Variants in CXCL12 observed in about 807,000 individuals in gnomAD.
CXCL12 encodes C-X-C motif chemokine ligand 12.
Under a neutral mutation model 10.7 loss-of-function variants are expected in CXCL12, and 4 were observed. The observed-to-expected ratio is 0.37, with a 90% CI of 0.18 to 0.86. The LOEUF (loss-of-function observed/expected upper bound fraction) is 0.86. Ranked by LOEUF, CXCL12 falls within the 40% of genes least tolerant of loss-of-function variation. CXCL12 has a pLI of 0.43. For synonymous variants in CXCL12, 54 were observed against 45.4 expected (o/e 1.19, Z -0.77); for missense variants, 122 against 110.4 (o/e 1.10, Z -0.47).
At position 44,377,841 on chromosome 10, in the gene CXCL12, G is replaced by A. The variant is rs868618139; in HGVS notation, c.*792C>T. Reference sequence around the variant, plus strand: ...CGAGCTGTGGGGCAGGCCCTGGGAGGAGAGGGATGCAGGGCACGAGCCCCA... The same window carrying A: ...CGAGCTGTGGGGCAGGCCCTGGGAGAAGAGGGATGCAGGGCACGAGCCCCA... On this transcript the variant is annotated 3_prime_UTR_variant, in exon 3 of 3. Transcript: ENST00000343575. The A allele has an allele frequency of 1.9e-6, 3 of 1,594,120 alleles. No homozygotes were observed. Among genetic ancestry groups the A allele is most frequent in the Non-Finnish European group, 2.5e-6 (3 of 1,178,072 alleles).
downstream of CXCL12, among the ~76,000 whole-genome samples, chr10:44,374,013 T>C (rs1434415921): frequency 1.3e-5 from 2 of 152,198 alleles, no homozygotes; most frequent in African/African-American, 4.8e-5. Context: ...CAGCACTGGG[T>C]GTACCACCTG....
chr10:44,378,491 C>T lies in CXCL12; in HGVS notation c.*142G>A. Reference sequence around the variant, plus strand: ...ATGCTGGCAAACCTCAGGCCCGATCCCAGATCAATGTGCCCACCCCACACA... The same window carrying T: ...ATGCTGGCAAACCTCAGGCCCGATCTCAGATCAATGTGCCCACCCCACACA... On this transcript the variant is annotated 3_prime_UTR_variant, in exon 3 of 3. Transcript: ENST00000343575. 6.5e-7 allele frequency: 1 copy of T among 1,541,448 alleles called. No individual in the cohort carries two copies. The highest frequency in any genetic ancestry group is 1.2e-5 in the South Asian group (1 of 81,746).
chr10:44,384,028 T>A (rs1441111797), intron 1 of CXCL12, among the ~76,000 whole-genome samples: 1 of 152,204 alleles, frequency 6.6e-6, no homozygotes, highest in African/African-American at 2.4e-5. Flanking sequence ...GAGTTTCTCT[T>A]CAGCGAAAGA....
chr10:44,373,391 C>A, downstream of CXCL12: 2 of 1,537,480 alleles, frequency 1.3e-6, no homozygotes, highest in African/African-American at 1.4e-5. Context: ...GTTCCCCCCA[C>A]ACCCAGCCAG....
intron 1 of CXCL12, among the ~76,000 whole-genome samples, chr10:44,382,516 T>A (rs1839663541): frequency 6.6e-6 from 1 of 151,954 alleles, no homozygotes; most frequent in Admixed American, 6.5e-5. Flanking sequence ...ACAGTGAGCT[T>A]GAAGATATGC....
downstream of CXCL12, among the ~76,000 whole-genome samples, chr10:44,376,505 A>C (rs1839454668): frequency 6.6e-6 from 1 of 152,220 alleles, no homozygotes; most frequent in African/African-American, 2.4e-5. Context: ...TCAGACTGCC[A>C]TTCAGAAGAG....
Position 44,377,722 on chromosome 10 carries a change from G to A in CXCL12, c.*911C>T. On this transcript the variant is annotated 3_prime_UTR_variant, in exon 3 of 3. Transcript: ENST00000343575. The stretch of plus-strand genomic sequence containing the variant: ...ATTGCATTTGATTCTGTAAAGACTT[G>A]TCTTTTGCGGGTAAGCAGGGGGACC... The A allele has an allele frequency of 3.8e-6, 6 of 1,598,198 alleles. No homozygotes were observed. The highest frequency in any genetic ancestry group is 5.1e-6 in the Non-Finnish European group (6 of 1,179,756).
At chr10:44,376,974 G>T (rs1234501944), downstream of CXCL12, 1 of 356,630 alleles carries the variant, frequency 2.8e-6, no homozygotes, top group Non-Finnish European at 3.9e-6. Flanking sequence ...CGTGAGAAAA[G>T]CCCATACACT....
exon 4 of CXCL12, chr10:44,370,366 A>G (rs555451028): frequency 1.3e-5 from 2 of 152,794 alleles, no homozygotes; most frequent in East Asian, 3.9e-4. Context: ...TACAAAATAC[A>G]GTATTCATCA....
In CXCL12 at chr10:44,377,510, G is replaced by A. The variant is rs2132042040; in HGVS notation, c.*1123C>T. The A allele has an allele frequency of 1.4e-6, 2 of 1,394,386 alleles. No individual in the cohort carries two copies. Among genetic ancestry groups the A allele is most frequent in the Middle Eastern group, 2.7e-4 (1 of 3,724 alleles). 86.4% of individuals were successfully genotyped at this position (1,394,386 alleles called of 1,614,324 possible). A position where few individuals can be genotyped will look rare whatever the true frequency, so the allele number is the denominator to read the frequency against. ...GCATGGAAATGTCACCTTGCCAACA[G>A]TTCTGATTGGAACCTGAAACCCTGC... On this transcript the variant is annotated 3_prime_UTR_variant, in exon 3 of 3. Transcript: ENST00000343575.
chr10:44,373,608 G>A (rs34927719), downstream of CXCL12, among the ~76,000 whole-genome samples: 4 of 152,216 alleles, frequency 2.6e-5, no homozygotes, highest in Non-Finnish European at 4.4e-5. Context: ...GCAGACGCAC[G>A]AAGGCACAGA....
rs754281022 is a variant in CXCL12, at chr10:44,377,730, C to A, written c.*903G>T. 5 of 1,598,034 alleles carry A rather than the reference C, an allele frequency of 3.1e-6. No individual in the cohort carries two copies. Among genetic ancestry groups the A allele is most frequent in the Non-Finnish European group, 4.2e-6 (5 of 1,179,680 alleles). On this transcript the variant is annotated 3_prime_UTR_variant, in exon 3 of 3. Coordinates refer to ENST00000343575, the MANE Select transcript of CXCL12 (RefSeq NM_199168.4). ...TGATTCTGTAAAGACTTGTCTTTTG[C>A]GGGTAAGCAGGGGGACCATTACACA... is the stretch of plus-strand genomic sequence containing the variant.
At chr10:44,373,641 C>T (rs146520792), downstream of CXCL12, among the ~76,000 whole-genome samples, 13 of 152,320 alleles carry the variant, frequency 8.5e-5, no homozygotes, top group East Asian at 1.7e-3. Flanking sequence ...AGTGGTCATA[C>T]GACGGGGACA....
In CXCL12 at chr10:44,382,360, A is replaced by C. The variant is rs545829637; in HGVS notation, c.62-1480T>G. Among the ~76,000 whole-genome samples the C allele has an allele frequency of 9.2e-4, 140 of 152,300 alleles. 1 individual carries two copies. The highest frequency in any genetic ancestry group is 1.6e-3 in the Non-Finnish European group (111 of 68,020). On this transcript the variant is annotated intron_variant, in intron 1 of 2. Coordinates refer to ENST00000343575, the MANE Select transcript of CXCL12 (RefSeq NM_199168.4). ...CAGGGCCGGGGCCTGCAGCCTGGGT[A>C]ACTGAGGAGCTAAACGCTCCTGAGT...
intron 1 of CXCL12, among the ~76,000 whole-genome samples, chr10:44,383,178 G>A (rs779290222): frequency 1.2e-4 from 19 of 152,326 alleles, no homozygotes; most frequent in Non-Finnish European, 2.2e-4. Flanking sequence ...GCAGCTTGAG[G>A]ACTAAGTGTG....
At chr10:44,373,260 G>A, downstream of CXCL12, 3 of 1,577,748 alleles carry the variant, frequency 1.9e-6, no homozygotes, top group Non-Finnish European at 2.6e-6. Flanking sequence ...GGCTGTGGCA[G>A]GCCCTTCCCT....
chr10:44,375,984 CT>C (rs766332937), downstream of CXCL12: 5 of 1,610,434 alleles, frequency 3.1e-6, no homozygotes, highest in Non-Finnish European at 2.5e-6. Context: ...TCTGTCGCTT[CT>C]TTTTTCCTAT....
chr10:44,384,836 T>A, intron 1 of CXCL12, 109 bp downstream of exon 1: 1 of 1,102,008 alleles, frequency 9.1e-7, no homozygotes, highest in Non-Finnish European at 1.3e-6. Context: ...CCACCCCCAC[T>A]GTGTCGGGCG....
chr10:44,380,144 TCCCGGTCTTCTGTA>T (rs1839584977), intron 2 of CXCL12, among the ~76,000 whole-genome samples: 1 of 152,226 alleles, frequency 6.6e-6, no homozygotes, highest in Admixed American at 6.5e-5. Context: ...CCCGCATTTC[TCCCGGTCTTCTGTA>T]CCCAGCTGAG....
Sources: gnomAD v4.1 joint callset for allele counts (sites outside exome capture counted in the v4.1 genomes callset) on GRCh38, gnomAD v4.1.1 for gene constraint, MANE v1.5 for transcripts, NCBI Gene and HGNC (gene_info 2026-07-23, HGNC 2026-07-21) for gene names.